The following TMEM132B variants were observed in gnomAD, a reference collection of about 807,000 sequenced individuals.
TMEM132B encodes transmembrane protein 132B.
TMEM132B carries 18 observed loss-of-function variants against 90.8 expected under a neutral mutation model. The observed-to-expected ratio is 0.20, with a 90% CI of 0.14 to 0.29. The LOEUF (loss-of-function observed/expected upper bound fraction) is 0.29. Ranked by LOEUF, TMEM132B falls within the 10% of genes least tolerant of loss-of-function variation. TMEM132B has a pLI of 1.00. For missense variants in TMEM132B, 1,096 were observed against 1,326.8 expected (o/e 0.83, Z 2.70); for synonymous variants, 504 against 523.3 (o/e 0.96, Z 0.50).
At chr12:125,562,990 G>A (rs1035430507) in intron 4 of TMEM132B, among the ~76,000 whole-genome samples, 1 of 151,818 alleles carries the variant, frequency 6.6e-6, no homozygotes, top group African/African-American at 2.4e-5. Flanking sequence ...TAGGGAGGCC[G>A]AAGGAGAGGG....
intron 4 of TMEM132B, among the ~76,000 whole-genome samples, chr12:125,564,301 G>A (rs1033043456): frequency 1.3e-5 from 2 of 152,062 alleles, no homozygotes; most frequent in African/African-American, 4.8e-5. Flanking sequence ...TTTATCACAC[G>A]GATTGGAAGA....
At chr12:125,642,104 C>T (rs1206717398) in intron 5 of TMEM132B, among the ~76,000 whole-genome samples, 7 of 152,156 alleles carry the variant, frequency 4.6e-5, no homozygotes, top group Non-Finnish European at 8.8e-5. Context: ...TCTTACTGAG[C>T]CTTCACCTTC....
chr12:125,320,049 G>C (rs1876386702), intron 1 of TMEM132B, among the ~76,000 whole-genome samples: 1 of 151,984 alleles, frequency 6.6e-6, no homozygotes. Context: ...GTCTAGGGCA[G>C]CACAATTCAC....
intron 1 of TMEM132B, among the ~76,000 whole-genome samples, chr12:125,292,759 A>G (rs1308091371): frequency 6.6e-6 from 1 of 152,186 alleles, no homozygotes; most frequent in Non-Finnish European, 1.5e-5. Flanking sequence ...GATGAAAAGG[A>G]GGCTTCTCTT....
chr12:125,636,463 G>A (rs1184499588), intron 5 of TMEM132B, among the ~76,000 whole-genome samples: 1 of 152,162 alleles, frequency 6.6e-6, no homozygotes, highest in Non-Finnish European at 1.5e-5. Context: ...TCTTAGCCTA[G>A]TGGAGGACCA....
chr12:125,329,666 G>T (rs1876704336), intron 1 of TMEM132B, among the ~76,000 whole-genome samples: 1 of 152,156 alleles, frequency 6.6e-6, no homozygotes, highest in Non-Finnish European at 1.5e-5. Flanking sequence ...TCGTGGCTTT[G>T]TCCCCAAACC....
At chr12:125,528,070 C>G (rs1293922459) in intron 4 of TMEM132B, among the ~76,000 whole-genome samples, 1 of 152,112 alleles carries the variant, frequency 6.6e-6, no homozygotes, top group African/African-American at 2.4e-5. Context: ...TCTGCATTAT[C>G]TTCTACATCT....
At chr12:125,465,062 A>T (rs1466176523) in intron 3 of TMEM132B, among the ~76,000 whole-genome samples, 3 of 152,212 alleles carry the variant, frequency 2.0e-5, no homozygotes, top group Non-Finnish European at 2.9e-5. Flanking sequence ...TGGAGGTATG[A>T]TAATTGTGTT....
intron 5 of TMEM132B, among the ~76,000 whole-genome samples, chr12:125,638,836 C>G (rs1886555127): frequency 6.6e-6 from 1 of 152,116 alleles, no homozygotes; most frequent in Non-Finnish European, 1.5e-5. Context: ...ATCTGGAGAG[C>G]CCCTTTTAGC....
intron 5 of TMEM132B, among the ~76,000 whole-genome samples, chr12:125,638,656 G>A (rs559481316): frequency 1.3e-4 from 20 of 151,960 alleles, no homozygotes; most frequent in Non-Finnish European, 1.9e-4. Flanking sequence ...CAGAGGGGTC[G>A]TGAGGGAAGC....
chr12:125,308,412 G>C (rs1876045909), intron 1 of TMEM132B, among the ~76,000 whole-genome samples: 2 of 151,986 alleles, frequency 1.3e-5, no homozygotes, highest in Non-Finnish European at 2.9e-5. Context: ...CATCTAAGCT[G>C]TCTCCAAGTG....
chr12:125,643,929 A>T, intron 5 of TMEM132B, 147 bp from the exon 6 acceptor site: 3 of 680,182 alleles, frequency 4.4e-6, no homozygotes, highest in Non-Finnish European at 7.5e-6. Flanking sequence ...AGTGCCTACA[A>T]ATTACCTTTT....
intron 1 of TMEM132B, among the ~76,000 whole-genome samples, chr12:125,316,241 A>G (rs770368384): frequency 7.2e-5 from 11 of 152,132 alleles, no homozygotes; most frequent in Non-Finnish European, 1.6e-4. Context: ...TTCCTCCTCT[A>G]CAGGACAGTC....
intron 6 of TMEM132B, among the ~76,000 whole-genome samples, 191 bp from the exon 7 acceptor site, chr12:125,650,492 A>C (rs1886877563): frequency 1.3e-5 from 2 of 152,204 alleles, no homozygotes; most frequent in Non-Finnish European, 2.9e-5. Flanking sequence ...AGCAGAAAGC[A>C]CATCATCCTC....
Position 125,595,252 on chromosome 12 carries a change from T to C in TMEM132B, c.1437+11258T>C, listed in dbSNP as rs533374618. ...CATTAGTTCTTCCCGTCACTAGCAC[T>C]GCACCTGGCATGAGTTAGGTGCTCT... is the stretch of plus-strand genomic sequence containing the variant. On this transcript the variant is annotated intron_variant, in intron 5 of 8. Transcript: ENST00000682704. Among the ~76,000 whole-genome samples the C allele has an allele frequency of 1.5e-4, 23 of 152,330 alleles. No homozygotes were observed. In the South Asian group the frequency reaches 4.8e-3, roughly 32 times the overall value.
chr12:125,357,965 G>A (rs573669634), intron 2 of TMEM132B, among the ~76,000 whole-genome samples: 3 of 152,352 alleles, frequency 2.0e-5, no homozygotes, highest in African/African-American at 7.2e-5. Flanking sequence ...GCAGAAATCT[G>A]TTGGGTGCGT....
rs1887190575 is a variant in TMEM132B, at chr12:125,660,755, T to C, written c.*6045T>C. 1 of 152,234 alleles carries C rather than the reference T, an allele frequency of 6.6e-6. No individual in the cohort carries two copies. Among genetic ancestry groups the C allele is most frequent in the African/African-American group, 2.4e-5 (1 of 41,472 alleles). 9.4% of individuals were successfully genotyped at this position (152,234 alleles called of 1,614,324 possible). A position where few individuals can be genotyped will look rare whatever the true frequency, so the allele number is the denominator to read the frequency against. On this transcript the variant is annotated 3_prime_UTR_variant, in exon 9 of 9. Coordinates refer to ENST00000682704, the MANE Select transcript of TMEM132B (RefSeq NM_001366854.1). ...CAATCTTCATATTCTATGAGATGCC[T>C]TTAAAATTTCTTTGGATTTAATGCT...
intron 4 of TMEM132B, among the ~76,000 whole-genome samples, chr12:125,533,361 C>T (rs1204168835): frequency 2.6e-5 from 4 of 152,196 alleles, no homozygotes; most frequent in African/African-American, 4.8e-5. Context: ...GGTGTGGCCA[C>T]TGGCCAATCG....
intron 1 of TMEM132B, among the ~76,000 whole-genome samples, chr12:125,264,298 C>A (rs1874636827): frequency 6.6e-6 from 1 of 152,210 alleles, no homozygotes; most frequent in Non-Finnish European, 1.5e-5. Flanking sequence ...CACCCCATCT[C>A]AAGATCCTTA....
Sources: gnomAD v4.1 joint callset for allele counts (sites outside exome capture counted in the v4.1 genomes callset) on GRCh38, gnomAD v4.1.1 for gene constraint, MANE v1.5 for transcripts, NCBI Gene and HGNC (gene_info 2026-07-23, HGNC 2026-07-21) for gene names.